Variants in ADK observed in about 807,000 individuals in gnomAD.
ADK encodes N6,N6-dimethyladenosine kinase.
ADK carries 24 observed loss-of-function variants against 44.7 expected under a neutral mutation model. The observed-to-expected ratio is 0.54, with a 90% CI of 0.39 to 0.76. The LOEUF is 0.76. Among genes scored for constraint, ADK ranks in the 30% least tolerant of loss-of-function variants. ADK has a pLI of 0.00. For missense variants in ADK, 321 were observed against 425.1 expected, an observed-to-expected ratio of 0.76 and a Z score of 2.15; for synonymous variants, 128 against 142.6, an observed-to-expected ratio of 0.90 and a Z score of 0.73.
intron 4 of ADK, chr10:74,371,590 T>C: frequency 8.3e-7 from 1 of 1,203,710 alleles, no homozygotes; most frequent in Non-Finnish European, 1.2e-6. Flanking sequence ...CTTAAGTTCC[T>C]TGCAGCAGGA....
At chr10:74,642,158 A>T (rs1853871952) in intron 9 of ADK, among the ~76,000 whole-genome samples, 1 of 152,092 alleles carries the variant, frequency 6.6e-6, no homozygotes. Context: ...TAAATGTCAT[A>T]CTCTCTACTA....
chr10:74,661,869 C>T (rs1034529226), intron 9 of ADK, among the ~76,000 whole-genome samples: 7 of 152,180 alleles, frequency 4.6e-5, no homozygotes, highest in Admixed American at 2.0e-4. Context: ...GTTTCTCTTT[C>T]CATCTAGATT....
intron 4 of ADK, among the ~76,000 whole-genome samples, chr10:74,389,149 G>C (rs1027870980): frequency 2.6e-5 from 4 of 152,194 alleles, no homozygotes; most frequent in Middle Eastern, 3.2e-3. Context: ...CTCATGGCCA[G>C]AGCAGAAGTT....
At chr10:74,515,996 G>A (rs1423597800) in intron 6 of ADK, among the ~76,000 whole-genome samples, 1 of 152,156 alleles carries the variant, frequency 6.6e-6, no homozygotes, top group African/African-American at 2.4e-5. Flanking sequence ...CCCAGAGGAG[G>A]GCATACTACA....
chr10:74,314,597 C>G, intron 3 of ADK, 70 bp from the exon 4 acceptor site: 1 of 967,488 alleles, frequency 1.0e-6, no homozygotes, highest in Non-Finnish European at 1.7e-6. Context: ...TACTCTTCTG[C>G]TCAGAAAAGT....
Position 74,359,616 on chromosome 10 carries a change from A to C in ADK, c.274-34525A>C, listed in dbSNP as rs1298846006. Among the ~76,000 whole-genome samples, 5 of 152,164 alleles carry C rather than the reference A, an allele frequency of 3.3e-5. No homozygotes were observed. The South Asian group carries it at 8.3e-4, about 25-fold the overall frequency. On this transcript the variant is annotated intron_variant, in intron 4 of 10. Transcript: ENST00000539909. The stretch of plus-strand genomic sequence containing the variant: ...TCCTGTCTACTTGGGAGGCTGAAGC[A>C]GGAGGATCCTTTGGGCCCAGGTGGT...
intron 3 of ADK, among the ~76,000 whole-genome samples, chr10:74,237,246 G>A (rs560211430): frequency 1.3e-5 from 2 of 152,160 alleles, no homozygotes; most frequent in Non-Finnish European, 2.9e-5. Flanking sequence ...CATTTCAGCA[G>A]TGTTCACAGC....
At chr10:74,201,630 T>G (rs557718805) in intron 2 of ADK, among the ~76,000 whole-genome samples, 17 of 151,312 alleles carry the variant, frequency 1.1e-4, no homozygotes, top group African/African-American at 3.9e-4. Context: ...GTGTGTGTGT[T>G]TGTGTGTGTG....
At chr10:74,201,248 A>T (rs1481706714) in intron 2 of ADK, among the ~76,000 whole-genome samples, 1 of 152,202 alleles carries the variant, frequency 6.6e-6, no homozygotes, top group Admixed American at 6.5e-5. Flanking sequence ...ATTAGAGAAG[A>T]CAAGAGAACG....
At chr10:74,529,387 A>G (rs537830514) in intron 7 of ADK, 16 of 152,270 alleles carry the variant, frequency 1.1e-4, no homozygotes, top group African/African-American at 3.8e-4. Flanking sequence ...TTATTGTGTA[A>G]TAAGTACAGA....
chr10:74,278,889 A>G (rs1433535117), intron 3 of ADK, among the ~76,000 whole-genome samples: 1 of 152,200 alleles, frequency 6.6e-6, no homozygotes, highest in African/African-American at 2.4e-5. Context: ...TGTCTTTTAT[A>G]ATAGCCATTA....
rs563693253 is a variant in ADK at position 74,281,412 on chromosome 10, A to C, written c.195-33255A>C. Among the ~76,000 whole-genome samples, 232 of 152,240 alleles carry C rather than the reference A, an allele frequency of 1.5e-3. 2 individuals are homozygous for C. Among genetic ancestry groups the C allele is most frequent in the Non-Finnish European group, 2.2e-3 (151 of 68,036 alleles). ...TTCCCCACTTTTTTGGTAAAGAAACATAAGCAAGGGGAAGGCAGTCTCTCT... is the reference window on the plus strand; with the variant it reads ...TTCCCCACTTTTTTGGTAAAGAAACCTAAGCAAGGGGAAGGCAGTCTCTCT... On this transcript the variant is annotated intron_variant, in intron 3 of 10. Coordinates refer to ENST00000539909, the MANE Select transcript of ADK (RefSeq NM_006721.4).
At chr10:74,473,558 A>G (rs1025222739) in intron 6 of ADK, among the ~76,000 whole-genome samples, 6 of 152,188 alleles carry the variant, frequency 3.9e-5, no homozygotes, top group African/African-American at 1.4e-4. Context: ...AGTAGAGGTC[A>G]GATAGTTTGT....
At chr10:74,407,027 A>G (rs565005120) in intron 6 of ADK, among the ~76,000 whole-genome samples, 1 of 146,150 alleles carries the variant, frequency 6.8e-6, no homozygotes, top group East Asian at 2.0e-4. Context: ...CCGTCGCCCA[A>G]GCTGGAGTGC....
chr10:74,470,081 A>G (rs995271958), intron 6 of ADK, among the ~76,000 whole-genome samples: 3 of 149,214 alleles, frequency 2.0e-5, no homozygotes, highest in Admixed American at 6.7e-5. Flanking sequence ...CTGGAATGCA[A>G]TGGCGCAATC....
At chr10:74,338,171 G>C (rs1417976504) in intron 4 of ADK, among the ~76,000 whole-genome samples, 1 of 152,024 alleles carries the variant, frequency 6.6e-6, no homozygotes, top group Admixed American at 6.6e-5. Flanking sequence ...ATATAAAATA[G>C]CAAGTAAGCC....
chr10:74,176,564 A>C, intron 1 of ADK: 1 of 1,345,832 alleles, frequency 7.4e-7, no homozygotes, highest in Non-Finnish European at 9.6e-7. Context: ...ACTAGGACTC[A>C]AGATGGCCAC....
intron 6 of ADK, among the ~76,000 whole-genome samples, chr10:74,436,322 G>T (rs566159678): frequency 6.6e-6 from 1 of 152,040 alleles, no homozygotes; most frequent in Non-Finnish European, 1.5e-5. Context: ...CAGGAGAATC[G>T]CTTGAACCTG....
intron 1 of ADK, chr10:74,176,840 G>A: frequency 2.5e-6 from 4 of 1,606,408 alleles, no homozygotes; most frequent in Non-Finnish European, 3.4e-6. Context: ...CATCGGACGC[G>A]GGCGCCGTGG....
Sources: gnomAD v4.1 joint callset for allele counts (sites outside exome capture counted in the v4.1 genomes callset) on GRCh38, gnomAD v4.1.1 for gene constraint, MANE v1.5 for transcripts, NCBI Gene and HGNC (gene_info 2026-07-23, HGNC 2026-07-21) for gene names.